The following KIF16B variants were observed in gnomAD, a reference collection of about 807,000 sequenced individuals.
KIF16B encodes the protein kinesin family member 16B, also known as kinesin-like protein KIF16B.
KIF16B carries 98 observed loss-of-function variants against 156.3 expected under a neutral mutation model. The ratio of observed to expected loss-of-function variants is 0.63; its 90% CI spans 0.53 to 0.74. KIF16B has a LOEUF of 0.74. Ranked by LOEUF, KIF16B falls within the 30% of genes least tolerant of loss-of-function variation. The pLI, the probability that KIF16B is intolerant of heterozygous loss-of-function variation, is 0.00. For missense variants in KIF16B, 1,421 were observed against 1,606.5 expected (o/e 0.88, Z 1.97); for synonymous variants, 564 against 583.7 (o/e 0.97, Z 0.49).
chr20:16,298,741 C>CA (rs374601534), intron 25 of KIF16B, among the ~76,000 whole-genome samples: 153 of 150,044 alleles, frequency 1.0e-3, no homozygotes, highest in Admixed American at 4.3e-3. Flanking sequence ...AGTGTTCTTG[C>CA]AAAAAAAAAT....
intron 17 of KIF16B, among the ~76,000 whole-genome samples, chr20:16,391,807 G>A (rs564048856): frequency 2.6e-5 from 4 of 152,324 alleles, no homozygotes; most frequent in Admixed American, 1.3e-4. Context: ...GGCAGAGGTT[G>A]TCTCCCCCTC....
chr20:16,291,142 T>A (rs1251414737), intron 25 of KIF16B, among the ~76,000 whole-genome samples: 1 of 152,152 alleles, frequency 6.6e-6, no homozygotes, highest in African/African-American at 2.4e-5. Flanking sequence ...CGATAAACAA[T>A]GAGAAGCATG....
At chr20:16,428,162 T>C (rs1269226106) in intron 14 of KIF16B, among the ~76,000 whole-genome samples, 1 of 152,154 alleles carries the variant, frequency 6.6e-6, no homozygotes, top group Non-Finnish European at 1.5e-5. Context: ...AGTCTCACAA[T>C]AAATAGTAAA....
intron 23 of KIF16B, among the ~76,000 whole-genome samples, chr20:16,344,654 T>C (rs1362741857): frequency 6.6e-6 from 1 of 152,194 alleles, no homozygotes; most frequent in Non-Finnish European, 1.5e-5. Flanking sequence ...GGTGCTGTCC[T>C]GCACGCTGAA....
At chr20:16,503,059 C>T (rs979770134) in intron 10 of KIF16B, among the ~76,000 whole-genome samples, 1 of 151,994 alleles carries the variant, frequency 6.6e-6, no homozygotes, top group African/African-American at 2.4e-5. Context: ...ACCAAAAATA[C>T]AAAAAAATTA....
intron 6 of KIF16B, among the ~76,000 whole-genome samples, chr20:16,508,600 C>T (rs189245329): frequency 1.3e-5 from 2 of 152,248 alleles, no homozygotes; most frequent in East Asian, 3.9e-4. Context: ...AATCTAATGC[C>T]ACCACTGATC....
intron 3 of KIF16B, among the ~76,000 whole-genome samples, chr20:16,520,568 G>C (rs1275695434): frequency 2.6e-5 from 4 of 152,182 alleles, no homozygotes; most frequent in Non-Finnish European, 5.9e-5. Flanking sequence ...TCCTGGGACA[G>C]AGCACCTGGG....
At chr20:16,280,609 G>C (rs1198889878) in intron 25 of KIF16B, among the ~76,000 whole-genome samples, 1 of 152,240 alleles carries the variant, frequency 6.6e-6, no homozygotes, top group Non-Finnish European at 1.5e-5. Flanking sequence ...TACAGAGGAA[G>C]TAACTGAGAT....
chr20:16,408,692 A>C (rs376537258), intron 15 of KIF16B, among the ~76,000 whole-genome samples: 11 of 152,172 alleles, frequency 7.2e-5, no homozygotes, highest in Non-Finnish European at 1.3e-4. Context: ...CACCCATGTT[A>C]TCTGCATGAA....
rs943417828 is a variant in KIF16B, at chr20:16,560,615, T to C, written c.47+12614A>G. On this transcript the variant is annotated intron_variant, in intron 1 of 25. Coordinates refer to ENST00000354981, the MANE Select transcript of KIF16B (RefSeq NM_024704.5). ...TGAGCTCAGGAGTTCAAGACCAACC[T>C]AGGCAACATGGTGAAACCCCTTGTC... Among the ~76,000 whole-genome samples the C allele has an allele frequency of 3.3e-5, 5 of 152,258 alleles. No individual in the cohort carries two copies. The East Asian group carries it at 9.7e-4, about 29-fold the overall frequency.
chr20:16,468,566 A>G (rs1405630606), intron 12 of KIF16B, among the ~76,000 whole-genome samples: 1 of 125,790 alleles, frequency 7.9e-6, no homozygotes, highest in Non-Finnish European at 1.6e-5. Context: ...ACAGAGCAAG[A>G]CTCCGTCTCA....
intron 12 of KIF16B, among the ~76,000 whole-genome samples, chr20:16,440,354 C>A (rs1235586784): frequency 4.6e-5 from 7 of 152,012 alleles, no homozygotes; most frequent in Non-Finnish European, 1.0e-4. Flanking sequence ...ATATTTAGTT[C>A]TAATAAACTA....
intron 7 of KIF16B, 107 bp downstream of exon 7, chr20:16,507,851 T>A: frequency 8.2e-7 from 1 of 1,216,960 alleles, no homozygotes; most frequent in South Asian, 1.4e-5. Context: ...GTCAGTCACC[T>A]TTACCTGCTG....
chr20:16,350,295 G>A lies in KIF16B; in HGVS notation c.3621+6035C>T, dbSNP rs561549252. On this transcript the variant is annotated intron_variant, in intron 23 of 25. Coordinates refer to ENST00000354981, the MANE Select transcript of KIF16B (RefSeq NM_024704.5). ...TGAGAAAAGGCGGGCACCTCGGAGC[G>A]TAGCCGGAATGCAGAAGGCTCCTTA... Among the ~76,000 whole-genome samples, 10 of 152,282 alleles carry A rather than the reference G, an allele frequency of 6.6e-5. No homozygotes were observed. The South Asian group carries it at 1.2e-3, about 19-fold the overall frequency.
At chr20:16,365,803 A>G (rs1228040744) in intron 22 of KIF16B, among the ~76,000 whole-genome samples, 3 of 152,240 alleles carry the variant, frequency 2.0e-5, no homozygotes, top group Non-Finnish European at 4.4e-5. Flanking sequence ...ATATTTGACC[A>G]GAATAGAAAA....
intron 3 of KIF16B, among the ~76,000 whole-genome samples, chr20:16,518,378 C>G (rs2069216482): frequency 6.6e-6 from 1 of 152,200 alleles, no homozygotes; most frequent in Non-Finnish European, 1.5e-5. Flanking sequence ...CCTGGCTGGC[C>G]TGGTTACCTG....
rs537775437 is a variant in KIF16B, at chr20:16,487,125, T to C, written c.1302+7166A>G. On this transcript the variant is annotated intron_variant, in intron 12 of 25. Coordinates refer to ENST00000354981, the MANE Select transcript of KIF16B (RefSeq NM_024704.5). ...AAAATTAGCTGGGCGTGGTGGTGGG[T>C]GCCTGTATTCCCAGCTACTTGGGAG... is the stretch of plus-strand genomic sequence containing the variant. 3.9e-5 allele frequency among the ~76,000 whole-genome samples: 6 copies of C among 152,014 alleles called. No individual in the cohort carries two copies. In the East Asian group the frequency reaches 1.2e-3, roughly 30 times the overall value.
At chr20:16,302,972 C>T (rs1163946882) in intron 25 of KIF16B, among the ~76,000 whole-genome samples, 1 of 152,094 alleles carries the variant, frequency 6.6e-6, no homozygotes, top group African/African-American at 2.4e-5. Context: ...TTATGTCTTA[C>T]TTTCCAATCA....
At chr20:16,467,424 A>C (rs1163464160) in intron 12 of KIF16B, among the ~76,000 whole-genome samples, 2 of 152,234 alleles carry the variant, frequency 1.3e-5, no homozygotes, top group East Asian at 3.8e-4. Context: ...AGTTTTGAAG[A>C]GACTGAAAAA....
Sources: gnomAD v4.1 joint callset for allele counts (sites outside exome capture counted in the v4.1 genomes callset) on GRCh38, gnomAD v4.1.1 for gene constraint, MANE v1.5 for transcripts, NCBI Gene and HGNC (gene_info 2026-07-23, HGNC 2026-07-21) for gene names.